Variants in SLC2A9 observed in about 807,000 individuals in gnomAD.
The protein encoded by SLC2A9 is solute carrier family 2, facilitated glucose transporter member 9.
Under a neutral mutation model 50.6 loss-of-function variants are expected in SLC2A9, and 39 were observed. That is an observed-to-expected ratio of 0.77 (90% CI 0.60 to 1.01). The LOEUF is 1.01. Ranked by LOEUF, SLC2A9 falls within the 50% of genes least tolerant of loss-of-function variation. The pLI is 0.00. For missense variants in SLC2A9, 686 were observed against 677.6 expected, an observed-to-expected ratio of 1.01 and a Z score of -0.14; for synonymous variants, 324 against 276.9, an observed-to-expected ratio of 1.17 and a Z score of -1.69.
chr4:9,976,858 G>C (rs1754888076), intron 5 of SLC2A9, among the ~76,000 whole-genome samples: 1 of 152,170 alleles, frequency 6.6e-6, no homozygotes, highest in Non-Finnish European at 1.5e-5. Flanking sequence ...TCACATCAGT[G>C]AACTTGTCAC....
In SLC2A9 at chr4:9,864,991, G is replaced by A. The variant is rs1158950145; in HGVS notation, c.1291+22576C>T. 3.3e-5 allele frequency among the ~76,000 whole-genome samples: 5 copies of A among 152,240 alleles called. No individual in the cohort carries two copies. The East Asian group carries it at 5.8e-4, about 18-fold the overall frequency. ...TCCACCTCTTCTGAGCTGTGAGCATGAACACTTGAGTACCCCACTTTTTGA... is the reference window on the plus strand; with the variant it reads ...TCCACCTCTTCTGAGCTGTGAGCATAAACACTTGAGTACCCCACTTTTTGA... On this transcript the variant is annotated intron_variant, in intron 10 of 11. Coordinates refer to ENST00000264784, the MANE Select transcript of SLC2A9 (RefSeq NM_020041.3).
intron 2 of SLC2A9, among the ~76,000 whole-genome samples, chr4:10,000,663 T>C (rs151207162): frequency 6.6e-5 from 10 of 152,332 alleles, no homozygotes; most frequent in Non-Finnish European, 1.0e-4. Flanking sequence ...TGGCCTCTCA[T>C]AGGTCTCTTG....
chr4:9,844,260 T>G (rs1728591444), intron 10 of SLC2A9, among the ~76,000 whole-genome samples: 1 of 152,092 alleles, frequency 6.6e-6, no homozygotes, highest in South Asian at 2.1e-4. Flanking sequence ...GAATTTATTT[T>G]ATTCCCCTCT....
upstream of SLC2A9, chr4:10,026,102 T>A (rs1763742858): frequency 1.2e-6 from 1 of 821,922 alleles, no homozygotes; most frequent in African/African-American, 1.7e-5. Context: ...AAAGGTTTGC[T>A]GTGAGGAGCT....
intron 1 of SLC2A9, among the ~76,000 whole-genome samples, chr4:10,027,052 A>C (rs1441594961): frequency 1.4e-5 from 2 of 142,126 alleles, no homozygotes; most frequent in East Asian, 3.9e-4. Flanking sequence ...TCAAAAAAAC[A>C]AAAAAAAAAA....
chr4:9,775,280 G>A (rs564233804), downstream of SLC2A9, among the ~76,000 whole-genome samples: 7 of 152,272 alleles, frequency 4.6e-5, no homozygotes, highest in East Asian at 5.8e-4. Context: ...AGACTCTCAT[G>A]AGCAAAGTTT....
chr4:9,942,474 A>G (rs1748346504), intron 5 of SLC2A9, among the ~76,000 whole-genome samples: 1 of 152,220 alleles, frequency 6.6e-6, no homozygotes, highest in Non-Finnish European at 1.5e-5. Context: ...ACCGCTAGAT[A>G]TCTAGACGCC....
chr4:9,905,251 C>T (rs946025761), intron 8 of SLC2A9, among the ~76,000 whole-genome samples: 1 of 152,246 alleles, frequency 6.6e-6, no homozygotes, highest in African/African-American at 2.4e-5. Flanking sequence ...GAGATTCCTG[C>T]ACCTCTAGAA....
chr4:10,025,917 G>A (rs754927404), upstream of SLC2A9: 30 of 1,611,316 alleles, frequency 1.9e-5, no homozygotes, highest in Admixed American at 5.0e-5. Flanking sequence ...TTTCTTTTTC[G>A]CTGAATCACT....
intron 3 of SLC2A9, chr4:9,781,740 G>T (rs1220696515): frequency 5.6e-6 from 2 of 354,106 alleles, no homozygotes; most frequent in Admixed American, 4.7e-5. Flanking sequence ...CGTCCGGCGC[G>T]CTACAGACTC....
intron 11 of SLC2A9, among the ~76,000 whole-genome samples, chr4:9,829,494 A>G (rs1329143162): frequency 6.6e-6 from 1 of 150,676 alleles, no homozygotes; most frequent in Non-Finnish European, 1.5e-5. Context: ...AAAGAAGAGC[A>G]ACAAAAGCAA....
At chr4:9,963,564 G>C (rs1463863906) in intron 5 of SLC2A9, among the ~76,000 whole-genome samples, 1 of 152,206 alleles carries the variant, frequency 6.6e-6, no homozygotes, top group African/African-American at 2.4e-5. Flanking sequence ...AAGTCTGTGA[G>C]AGAGGAGTAC....
intron 10 of SLC2A9, 130 bp downstream of exon 10, chr4:9,887,437 C>G: frequency 1.2e-6 from 1 of 833,318 alleles, no homozygotes; most frequent in Non-Finnish European, 1.8e-6. Context: ...AGAAAGGCAG[C>G]AGACACACAT....
At position 10,007,750 on chromosome 4, in the gene SLC2A9, G is replaced by A. The variant is rs187305363; in HGVS notation, c.250-10809C>T. Among the ~76,000 whole-genome samples the A allele has an allele frequency of 4.6e-5, 7 of 152,308 alleles. No homozygotes were observed. In the East Asian group the frequency reaches 5.8e-4, roughly 13 times the overall value. ...CTTTTTGCATATCCTCCGGTTGGCC[G>A]GAATGAAAAGGGCAAATTGTTTTCA... On this transcript the variant is annotated intron_variant, in intron 2 of 11. Coordinates refer to ENST00000264784, the MANE Select transcript of SLC2A9 (RefSeq NM_020041.3).
chr4:9,884,713 T>C (rs747775900), intron 10 of SLC2A9, among the ~76,000 whole-genome samples: 2 of 152,190 alleles, frequency 1.3e-5, no homozygotes, highest in Admixed American at 1.3e-4. Flanking sequence ...TAAAGACACA[T>C]GCATGCATAT....
intron 5 of SLC2A9, among the ~76,000 whole-genome samples, chr4:9,977,508 T>A (rs1754988256): frequency 1.3e-5 from 2 of 151,830 alleles, no homozygotes; most frequent in Admixed American, 6.6e-5. Flanking sequence ...CCCTCTCTGC[T>A]GCCTGCCTTG....
At chr4:9,880,863 C>T (rs1735082673) in intron 10 of SLC2A9, among the ~76,000 whole-genome samples, 2 of 152,226 alleles carry the variant, frequency 1.3e-5, no homozygotes, top group African/African-American at 4.8e-5. Flanking sequence ...GGGCTGGCTG[C>T]TCCAGGCCCC....
intron 3 of SLC2A9, among the ~76,000 whole-genome samples, chr4:9,808,145 A>G (rs571190465): frequency 6.6e-6 from 1 of 152,322 alleles, no homozygotes; most frequent in South Asian, 2.1e-4. Context: ...TGGCTGGAGC[A>G]GGGACCTGAC....
At chr4:9,999,592 A>C (rs1240739147) in intron 2 of SLC2A9, among the ~76,000 whole-genome samples, 2 of 152,156 alleles carry the variant, frequency 1.3e-5, no homozygotes, top group African/African-American at 2.4e-5. Context: ...TAGGGGAGGA[A>C]CAGGACCAGA....
Sources: allele counts gnomAD v4.1 joint callset (sites outside exome capture counted in the v4.1 genomes callset), GRCh38; gene constraint gnomAD v4.1.1; transcripts MANE v1.5; gene names NCBI Gene and HGNC (gene_info 2026-07-23, HGNC 2026-07-21).